The following BEAN1 variants were observed in gnomAD, a reference collection of about 807,000 sequenced individuals.
BEAN1 encodes protein BEAN1.
BEAN1 carries 17 observed loss-of-function variants against 17.7 expected under a neutral mutation model. The observed-to-expected ratio is 0.96, with a 90% CI of 0.66 to 1.44. The LOEUF is 1.44. Ranked by LOEUF, BEAN1 falls within the 40% of genes most tolerant of loss-of-function variation. BEAN1 has a pLI of 0.00. For missense variants in BEAN1, 359 were observed against 374.1 expected, an observed-to-expected ratio of 0.96 and a Z score of 0.33; for synonymous variants, 142 against 151.8, an observed-to-expected ratio of 0.94 and a Z score of 0.47.
intron 2 of BEAN1, among the ~76,000 whole-genome samples, chr16:66,456,822 G>T (rs898149055): frequency 2.0e-5 from 3 of 152,338 alleles, no homozygotes; most frequent in Middle Eastern, 6.8e-3. Context: ...ATACGCAGAG[G>T]AATATGTGCG....
At chr16:66,447,340 C>G (rs1479145718) in intron 2 of BEAN1, among the ~76,000 whole-genome samples, 5 of 152,146 alleles carry the variant, frequency 3.3e-5, no homozygotes, top group African/African-American at 9.7e-5. Context: ...CTGGAGCAAA[C>G]GTATTTCAAT....
rs561022527 is a variant in BEAN1 at position 66,439,723 on chromosome 16, G to A, written c.25+2022G>A. On this transcript the variant is annotated intron_variant, in intron 2 of 4. Coordinates refer to ENST00000536005, the MANE Select transcript of BEAN1 (RefSeq NM_001178020.3). Reference sequence around the variant, plus strand: ...GCAGTAGGCACTCAATGTTTGTTGAGTGAATAAACACATAATTAAACACCC... The same window carrying A: ...GCAGTAGGCACTCAATGTTTGTTGAATGAATAAACACATAATTAAACACCC... Among the ~76,000 whole-genome samples, 5 of 152,282 alleles carry A rather than the reference G, an allele frequency of 3.3e-5. No individual in the cohort carries two copies. The South Asian group carries it at 1.0e-3, about 32-fold the overall frequency.
At chr16:66,460,791 G>T (rs1438101765) in intron 2 of BEAN1, among the ~76,000 whole-genome samples, 1 of 152,202 alleles carries the variant, frequency 6.6e-6, no homozygotes, top group Non-Finnish European at 1.5e-5. Flanking sequence ...TAGCATATTG[G>T]CTAAGAGCAC....
chr16:66,492,819 T>A, intron 4 of BEAN1: 1 of 604,144 alleles, frequency 1.7e-6, no homozygotes, highest in South Asian at 2.0e-5. Flanking sequence ...AGGCTTTCCT[T>A]TGGCCAAATG....
intron 2 of BEAN1, among the ~76,000 whole-genome samples, chr16:66,463,892 T>C (rs1963173848): frequency 6.6e-6 from 1 of 152,330 alleles, no homozygotes. Context: ...TATTCTTTCT[T>C]CCATTTAATT....
At chr16:66,443,229 G>T (rs1003367212) in intron 2 of BEAN1, among the ~76,000 whole-genome samples, 1 of 152,232 alleles carries the variant, frequency 6.6e-6, no homozygotes, top group African/African-American at 2.4e-5. Flanking sequence ...TCTGAGGGTT[G>T]CTGTGAGGAT....
intron 1 of BEAN1, among the ~76,000 whole-genome samples, chr16:66,432,915 C>A (rs1961860262): frequency 6.6e-6 from 1 of 152,080 alleles, no homozygotes. Context: ...TGTATCTAAC[C>A]ATCTAACAGT....
chr16:66,479,457 G>C (rs1379559854), intron 4 of BEAN1, among the ~76,000 whole-genome samples: 3 of 151,974 alleles, frequency 2.0e-5, no homozygotes, highest in African/African-American at 7.2e-5. Flanking sequence ...CCAGTGCCTG[G>C]ACAGGGCTGG....
intron 2 of BEAN1, among the ~76,000 whole-genome samples, chr16:66,449,256 C>A (rs548103059): frequency 2.0e-5 from 3 of 152,190 alleles, no homozygotes; most frequent in Non-Finnish European, 4.4e-5. Flanking sequence ...GCCTGGGCAA[C>A]AGAGCAAGAC....
chr16:66,488,864 G>T (rs974654766), intron 4 of BEAN1, among the ~76,000 whole-genome samples: 1 of 152,004 alleles, frequency 6.6e-6, no homozygotes, highest in South Asian at 2.1e-4. Flanking sequence ...TTTGGACCTC[G>T]GTCTGACCTT....
intron 2 of BEAN1, among the ~76,000 whole-genome samples, chr16:66,444,805 C>T (rs1306077786): frequency 6.6e-6 from 1 of 152,120 alleles, no homozygotes; most frequent in East Asian, 1.9e-4. Context: ...GGGGCTTGAG[C>T]TAATATGTGC....
downstream of BEAN1, among the ~76,000 whole-genome samples, chr16:66,494,935 G>A (rs1327020070): frequency 2.0e-5 from 3 of 152,204 alleles, no homozygotes; most frequent in Non-Finnish European, 4.4e-5. Context: ...TCTCTATGTG[G>A]TGGCAGGTGT....
chr16:66,461,907 T>C (rs1963102227), intron 2 of BEAN1, among the ~76,000 whole-genome samples: 2 of 152,104 alleles, frequency 1.3e-5, no homozygotes, highest in Non-Finnish European at 2.9e-5. Flanking sequence ...AGAGTGGCCA[T>C]TGGCTCAGGA....
Position 66,482,007 on chromosome 16 carries a change from A to G in BEAN1, c.*1082A>G, listed in dbSNP as rs1011930497. On this transcript the variant is annotated 3_prime_UTR_variant, in exon 5 of 5. Coordinates refer to ENST00000536005, the MANE Select transcript of BEAN1 (RefSeq NM_001178020.3). The stretch of plus-strand genomic sequence containing the variant: ...AAATGAAGGGGATATGCTCCCCATA[A>G]ATACCACCTTGCCACCACAAGAGGA... 2.6e-5 allele frequency: 4 copies of G among 152,246 alleles called. No homozygotes were observed. In the East Asian group the frequency reaches 5.8e-4, roughly 22 times the overall value. The allele number at this position is 152,246 out of a possible 1,614,324, so 9.4% of individuals were successfully genotyped here.
Position 66,480,738 on chromosome 16 carries a change from G to A in BEAN1, c.593G>A (p.Arg198Lys), listed in dbSNP as rs1295551183. The change falls in exon 5 of 5, where the codon AGG becomes AAG. Residue 198 changes from arginine to lysine, a missense_variant. Transcript: ENST00000536005. ...CCTGGCCGACACCAGCAGGAGCAGA[G>A]GACCCCGGCCCAAGGTGGCCTTCAC... ...HSPGRHQQEQ[R>K]TPAQGGLHTV... 1.2e-5 allele frequency: 18 copies of A among 1,551,508 alleles called. No individual in the cohort carries two copies. In the South Asian group the frequency reaches 1.8e-4, roughly 15 times the overall value.
At chr16:66,429,221 C>G (rs1338564057) in intron 1 of BEAN1, among the ~76,000 whole-genome samples, 1 of 152,206 alleles carries the variant, frequency 6.6e-6, no homozygotes, top group African/African-American at 2.4e-5. Context: ...GGGGTCCCAG[C>G]CTTGATTCTT....
rs147574659 is a variant in BEAN1 at position 66,462,444 on chromosome 16, T to C, written c.26-7158T>C. ...GCAGTTCACTCAGTCACCCAACAAA[T>C]ATTTAATGAGCACCTATTATGTGCC... On this transcript the variant is annotated intron_variant, in intron 2 of 4. Coordinates refer to ENST00000536005, the MANE Select transcript of BEAN1 (RefSeq NM_001178020.3). Among the ~76,000 whole-genome samples, 58 of 152,266 alleles carry C rather than the reference T, an allele frequency of 3.8e-4. No homozygotes were observed. In the East Asian group the frequency reaches 9.6e-3, roughly 25 times the overall value.
Position 66,473,512 on chromosome 16 carries a change from G to A in BEAN1, c.289+3647G>A, listed in dbSNP as rs772942165. On this transcript the variant is annotated intron_variant, in intron 3 of 4. Transcript: ENST00000536005. The surrounding 1 kb of genome is among the most constrained non-coding windows in gnomAD (Gnocchi z 4.5). ...GGAGGGTGCCAGGGAAGAGGGAAAC[G>A]CACTGTGAGCAGCTGTGGGAGAACA... 6.6e-6 allele frequency among the ~76,000 whole-genome samples: 1 copy of A among 152,022 alleles called. No homozygotes were observed. The highest frequency in any genetic ancestry group is 1.5e-5 in the Non-Finnish European group (1 of 67,992).
intron 2 of BEAN1, among the ~76,000 whole-genome samples, chr16:66,459,347 T>G (rs1189232467): frequency 6.6e-6 from 1 of 152,170 alleles, no homozygotes; most frequent in Non-Finnish European, 1.5e-5. Context: ...TGAGGTGGTG[T>G]TTCACTCTGT....
Sources: allele counts gnomAD v4.1 joint callset (sites outside exome capture counted in the v4.1 genomes callset), GRCh38; gene constraint gnomAD v4.1.1; non-coding constraint Gnocchi (gnomAD v3.1); transcripts MANE v1.5; gene names NCBI Gene and HGNC (gene_info 2026-07-23, HGNC 2026-07-21).